The following NHS variants were observed in gnomAD, a reference collection of about 807,000 sequenced individuals.
The protein encoded by NHS is NHS actin remodeling regulator.
NHS carries 5 observed loss-of-function variants against 72.5 expected under a neutral mutation model. That is an observed-to-expected ratio of 0.07 (90% confidence interval 0.04 to 0.14). NHS has a LOEUF of 0.14. NHS is among the 10% of genes least tolerant of loss of function. The pLI is 1.00. For missense variants in NHS, 1,072 were observed against 1,355.7 expected, an observed-to-expected ratio of 0.79 and a Z score of 3.29; for synonymous variants, 464 against 547.7, an observed-to-expected ratio of 0.85 and a Z score of 2.13.
intron 2 of NHS, among the ~76,000 whole-genome samples, chrX:17,691,648 C>A (rs1201583801): frequency 1.8e-5 from 2 of 111,662 alleles, no homozygotes; most frequent in Admixed American, 1.9e-4. Flanking sequence ...AAAATGGAGC[C>A]AGCATTGGGC....
chrX:17,701,860 C>A (rs2066266702), intron 3 of NHS, among the ~76,000 whole-genome samples: 1 of 111,210 alleles, frequency 9.0e-6, no homozygotes, highest in Admixed American at 9.6e-5. Context: ...CAAGTGATAC[C>A]TAAGGTATCA....
chrX:17,709,822 G>A (rs1255829485), intron 3 of NHS, among the ~76,000 whole-genome samples: 1 of 111,027 alleles, frequency 9.0e-6, no homozygotes, highest in Admixed American at 9.6e-5. Context: ...ATGGGGTGCT[G>A]CCTGCCAGGT....
intron 1 of NHS, chrX:17,528,460 T>C (rs1035748482): frequency 6.2e-5 from 7 of 112,332 alleles, no homozygotes; most frequent in African/African-American, 2.3e-4. Flanking sequence ...TTAAGGATGC[T>C]ACTGACTCTG....
chrX:17,637,576 A>G (rs1230724423), intron 1 of NHS, among the ~76,000 whole-genome samples: 1 of 112,194 alleles, frequency 8.9e-6, no homozygotes, highest in Non-Finnish European at 1.9e-5. Flanking sequence ...TTCAAGTAGG[A>G]CTTGGCAGAT....
At chrX:17,671,892 T>C (rs1284029626) in intron 1 of NHS, among the ~76,000 whole-genome samples, 3 of 111,843 alleles carry the variant, frequency 2.7e-5, no homozygotes, top group Non-Finnish European at 1.9e-5. Flanking sequence ...ATTGACATGA[T>C]AGAGCAGTGA....
intron 3 of NHS, among the ~76,000 whole-genome samples, chrX:17,715,401 A>G (rs1048149092): frequency 2.7e-5 from 3 of 112,334 alleles, no homozygotes; most frequent in African/African-American, 9.7e-5. Flanking sequence ...TGTATATTTA[A>G]CACATTTTCT....
At chrX:17,610,487 G>C (rs768483560) in intron 1 of NHS, among the ~76,000 whole-genome samples, 3 of 112,063 alleles carry the variant, frequency 2.7e-5, no homozygotes, top group African/African-American at 9.7e-5. Context: ...ATAATTATTT[G>C]TTCATTTGGG....
At chrX:17,486,676 C>T (rs1479183435) in intron 1 of NHS, among the ~76,000 whole-genome samples, 1 of 111,732 alleles carries the variant, frequency 8.9e-6, no homozygotes, top group African/African-American at 3.3e-5. Context: ...AGCCCAAAAG[C>T]AATAAGTAGT....
intron 3 of NHS, among the ~76,000 whole-genome samples, chrX:17,697,997 C>T (rs1166761016): frequency 9.2e-6 from 1 of 109,280 alleles, no homozygotes; most frequent in African/African-American, 3.3e-5. Flanking sequence ...GAAGACAACA[C>T]ATCTTACAGA....
chrX:17,551,574 G>C (rs1348178366), intron 1 of NHS, among the ~76,000 whole-genome samples: 1 of 112,107 alleles, frequency 8.9e-6, no homozygotes, highest in Non-Finnish European at 1.9e-5. Flanking sequence ...GCATCTGTTA[G>C]AGCTCCTTGG....
chrX:17,597,446 T>C (rs1285808720), intron 1 of NHS, among the ~76,000 whole-genome samples: 1 of 106,752 alleles, frequency 9.4e-6, no homozygotes, highest in Non-Finnish European at 1.9e-5. Flanking sequence ...TTTTTTTTTT[T>C]AAGAAAAAAC....
intron 1 of NHS, among the ~76,000 whole-genome samples, chrX:17,421,387 T>C (rs1032352227): frequency 1.8e-5 from 2 of 110,757 alleles, no homozygotes; most frequent in Admixed American, 9.6e-5. Context: ...TGCCTTGTTT[T>C]CTAGCTTTCA....
intron 1 of NHS, among the ~76,000 whole-genome samples, chrX:17,561,576 A>G (rs996579776): frequency 0.015 from 558 of 36,656 alleles, 3 homozygotes; most frequent in Non-Finnish European, 0.033. Flanking sequence ...GCGCGCGCGC[A>G]CACACACACA....
At chrX:17,413,484 G>C (rs1239963467) in intron 1 of NHS, among the ~76,000 whole-genome samples, 4 of 111,945 alleles carry the variant, frequency 3.6e-5, no homozygotes, top group Non-Finnish European at 7.5e-5. Flanking sequence ...TTTTAAACTA[G>C]GCATTAATTG....
At chrX:17,447,769 A>ACACGCACACACACACG (rs1254316731) in intron 1 of NHS, among the ~76,000 whole-genome samples, 1 of 92,185 alleles carries the variant, frequency 1.1e-5, no homozygotes, top group African/African-American at 4.4e-5. Context: ...ACACACACAC[A>ACACGCACACACACACG]CACGCACACA....
chrX:17,542,689 C>CAGAGAG (rs746365760), intron 1 of NHS, among the ~76,000 whole-genome samples: 244 of 105,222 alleles, frequency 2.3e-3, no homozygotes, highest in African/African-American at 8.4e-3. Context: ...GTCCTGAATC[C>CAGAGAG]AGAGAGAGAG....
intron 1 of NHS, among the ~76,000 whole-genome samples, chrX:17,597,468 AG>A (rs1432705150): frequency 6.7e-5 from 7 of 104,120 alleles, no homozygotes; most frequent in Admixed American, 1.0e-4. Context: ...AAAAACTGGC[AG>A]GGGTAGGGAC....
At chrX:17,604,228 T>TCA (rs59367930) in intron 1 of NHS, among the ~76,000 whole-genome samples, 6,340 of 92,164 alleles carry the variant, frequency 0.069, 383 homozygotes, top group African/African-American at 0.18. Flanking sequence ...TATTAATAGA[T>TCA]CACACACACA....
chrX:17,399,067 C>A (rs1162159658), intron 1 of NHS, among the ~76,000 whole-genome samples: 1 of 111,428 alleles, frequency 9.0e-6, no homozygotes, highest in Non-Finnish European at 1.9e-5. Flanking sequence ...TTCTATAGAC[C>A]ATGGGGATTC....
Sources: gnomAD v4.1 joint callset for allele counts (sites outside exome capture counted in the v4.1 genomes callset) on GRCh38, gnomAD v4.1.1 for gene constraint, MANE v1.5 for transcripts, NCBI Gene and HGNC (gene_info 2026-07-23, HGNC 2026-07-21) for gene names.